The following TNRC6B variants were observed in gnomAD, a reference collection of about 807,000 sequenced individuals.
TNRC6B encodes the protein trinucleotide repeat-containing gene 6B protein.
TNRC6B carries 52 observed loss-of-function variants against 203.6 expected under a neutral mutation model. That is an observed-to-expected ratio of 0.26 (90% CI 0.20 to 0.32). The LOEUF is 0.32. Among genes scored for constraint, TNRC6B ranks in the 10% least tolerant of loss-of-function variants. The pLI, the probability that TNRC6B is intolerant of heterozygous loss-of-function variation, is 1.00. For synonymous variants in TNRC6B, 838 were observed against 845.7 expected, an observed-to-expected ratio of 0.99 and a Z score of 0.16; for missense variants, 1,923 against 2,286.2, an observed-to-expected ratio of 0.84 and a Z score of 3.24.
At chr22:40,168,418 T>C (rs543222632) in intron 4 of TNRC6B, among the ~76,000 whole-genome samples, 2 of 152,266 alleles carry the variant, frequency 1.3e-5, no homozygotes, top group Admixed American at 1.3e-4. Flanking sequence ...ACGAGGTGCC[T>C]TGGAACACAG....
intron 12 of TNRC6B, among the ~76,000 whole-genome samples, chr22:40,296,393 G>A (rs1486317996): frequency 1.4e-5 from 2 of 147,946 alleles, no homozygotes; most frequent in Non-Finnish European, 3.0e-5. Context: ...GTGCAGTGGC[G>A]TGATCTTGGC....
intron 10 of TNRC6B, 40 bp from the exon 11 acceptor site, chr22:40,281,079 C>G (rs1198770511): frequency 1.3e-5 from 20 of 1,499,082 alleles, no homozygotes; most frequent in Non-Finnish European, 1.8e-5. Context: ...CTTCACTAAC[C>G]AACACTCGTT....
intron 3 of TNRC6B, among the ~76,000 whole-genome samples, chr22:40,143,590 C>CT (rs2068663243): frequency 6.6e-6 from 1 of 152,156 alleles, no homozygotes; most frequent in Non-Finnish European, 1.5e-5. Context: ...CCCGGGTTCA[C>CT]TTCATTCTCC....
chr22:40,118,274 C>A (rs1485116838), intron 2 of TNRC6B, among the ~76,000 whole-genome samples: 1 of 152,134 alleles, frequency 6.6e-6, no homozygotes, highest in African/African-American at 2.4e-5. Flanking sequence ...TTTGAACCTC[C>A]AGTTCAGCCT....
At chr22:40,251,270 C>T (rs571862464) in intron 3 of TNRC6B, 70 bp downstream of exon 3, 1 of 1,256,628 alleles carries the variant, frequency 8.0e-7, no homozygotes, top group Admixed American at 2.4e-5. Flanking sequence ...GTTGCTGACT[C>T]AGCCTCCAAT....
chr22:40,075,156 A>ATATATATATATATATATATAT, intron 1 of TNRC6B, among the ~76,000 whole-genome samples: 3 of 35,562 alleles, frequency 8.4e-5, no homozygotes, highest in Non-Finnish European at 1.0e-4. Context: ...ATATATATAT[A>ATATATATATATATATATATAT]TTTTTTTTTT....
chr22:40,082,251 A>G (rs1195000993), intron 1 of TNRC6B, among the ~76,000 whole-genome samples: 1 of 152,254 alleles, frequency 6.6e-6, no homozygotes, highest in Admixed American at 6.5e-5. Flanking sequence ...AACCTGTGTT[A>G]TAAACTGTCA....
At chr22:40,200,327 C>G (rs1221357413) in intron 1 of TNRC6B, among the ~76,000 whole-genome samples, 1 of 96,782 alleles carries the variant, frequency 1.0e-5, no homozygotes, top group African/African-American at 4.2e-5. Context: ...ACTCTTGTTG[C>G]TCAAGCTGAA....
intron 2 of TNRC6B, among the ~76,000 whole-genome samples, chr22:40,247,959 C>T (rs1057437884): frequency 6.6e-6 from 1 of 151,982 alleles, no homozygotes; most frequent in African/African-American, 2.4e-5. Flanking sequence ...CCTGTGGTCC[C>T]AGCTACTTTG....
upstream of TNRC6B, among the ~76,000 whole-genome samples, chr22:40,177,328 A>G (rs147110226): frequency 7.2e-4 from 109 of 152,272 alleles, no homozygotes; most frequent in African/African-American, 2.2e-3. Flanking sequence ...AGGCAAAACA[A>G]TAAGTGTAGA....
At chr22:40,284,624 A>G (rs954206815) in intron 11 of TNRC6B, among the ~76,000 whole-genome samples, 6 of 152,318 alleles carry the variant, frequency 3.9e-5, no homozygotes, top group Non-Finnish European at 2.9e-5. Flanking sequence ...TTAACAGTAG[A>G]AAGACAGAAT....
At chr22:40,309,661 A>T (rs2071145779) in intron 16 of TNRC6B, among the ~76,000 whole-genome samples, 4 of 152,240 alleles carry the variant, frequency 2.6e-5, no homozygotes, top group Admixed American at 1.3e-4. Context: ...GTCCCCAAAG[A>T]CATGATAGGT....
Position 40,261,965 on chromosome 22 carries a change from C to T in TNRC6B, c.249C>T (p.Ala83=), listed in dbSNP as rs377361864. The stretch of plus-strand genomic sequence containing the variant: ...TGCCGAACGGACAACCGCCAAGCGC[C>T]GCCCGCTACATGCCTCGGGAGGTGC... The part of the protein sequence containing the change: ...VAVPNGQPPS[A]ARYMPREVPP... Residue 83 remains alanine, a synonymous_variant, in exon 4 of 23, where the codon GCC becomes GCT. Transcript: ENST00000454349. 45 of 1,612,796 alleles carry T rather than the reference C, an allele frequency of 2.8e-5. No individual in the cohort carries two copies. The East Asian group carries it at 6.2e-4, about 22-fold the overall frequency.
intron 1 of TNRC6B, among the ~76,000 whole-genome samples, chr22:40,050,687 T>C (rs2067736954): frequency 6.6e-6 from 1 of 152,206 alleles, no homozygotes; most frequent in Admixed American, 6.5e-5. Flanking sequence ...TCTGTTTTGG[T>C]CCTGAATCTC....
At chr22:40,184,102 G>A (rs868080782) in intron 1 of TNRC6B, among the ~76,000 whole-genome samples, 2 of 152,148 alleles carry the variant, frequency 1.3e-5, no homozygotes, top group African/African-American at 2.4e-5. Context: ...ATTCATTGAC[G>A]TTGGAATTTG....
chr22:40,202,022 T>C (rs1189176653), intron 1 of TNRC6B, among the ~76,000 whole-genome samples: 1 of 152,128 alleles, frequency 6.6e-6, no homozygotes, highest in Non-Finnish European at 1.5e-5. Context: ...TTTGAAAGGG[T>C]CACGTAATGT....
At chr22:40,273,734 G>A (rs2070598339) in intron 7 of TNRC6B, 134 bp downstream of exon 7, 4 of 948,722 alleles carry the variant, frequency 4.2e-6, no homozygotes, top group Admixed American at 3.1e-5. Context: ...GGACAGTCAC[G>A]ACTCGCTGAG....
chr22:40,224,682 A>G (rs2069759726), intron 1 of TNRC6B, among the ~76,000 whole-genome samples: 1 of 152,236 alleles, frequency 6.6e-6, no homozygotes, highest in African/African-American at 2.4e-5. Context: ...GGTTTTTCAA[A>G]TGCTTTAATG....
At chr22:40,243,854 G>A (rs956913669) in intron 1 of TNRC6B, among the ~76,000 whole-genome samples, 1 of 152,122 alleles carries the variant, frequency 6.6e-6, no homozygotes, top group Non-Finnish European at 1.5e-5. Flanking sequence ...CAAAGTGCTG[G>A]GATTACAGGT....
Sources: gnomAD v4.1 joint callset for allele counts (sites outside exome capture counted in the v4.1 genomes callset) on GRCh38, gnomAD v4.1.1 for gene constraint, MANE v1.5 for transcripts, NCBI Gene and HGNC (gene_info 2026-07-23, HGNC 2026-07-21) for gene names.